The following SHISA9 variants were observed in gnomAD, a reference collection of about 807,000 sequenced individuals.
SHISA9 encodes the protein protein shisa-9.
Under a neutral mutation model 38.0 loss-of-function variants are expected in SHISA9, and 13 were observed. That is an observed-to-expected ratio of 0.34 (90% CI 0.22 to 0.54). The LOEUF (loss-of-function observed/expected upper bound fraction) is 0.54, where lower values mean the gene tolerates loss of function less well. Ranked by LOEUF, SHISA9 falls within the 20% of genes least tolerant of loss-of-function variation. The pLI, the probability that SHISA9 is intolerant of heterozygous loss-of-function variation, is 0.91. For synonymous variants in SHISA9, 275 were observed against 242.0 expected, an observed-to-expected ratio of 1.14 and a Z score of -1.27; for missense variants, 538 against 575.8, an observed-to-expected ratio of 0.93 and a Z score of 0.67.
the SHISA9 span, among the ~76,000 whole-genome samples, chr16:13,268,866 T>A: frequency 1.3e-5 from 2 of 152,162 alleles, no homozygotes; most frequent in Non-Finnish European, 2.9e-5. Context: ...CGTGTCCAAT[T>A]GGACACATGA....
the SHISA9 span, among the ~76,000 whole-genome samples, chr16:13,553,088 A>AC: frequency 6.6e-6 from 1 of 151,942 alleles, no homozygotes; most frequent in South Asian, 2.1e-4. Context: ...TTGCCAAATG[A>AC]CCCCTGGGGG....
chr16:13,491,818 C>CTTTTTTTTTTTT, the SHISA9 span, among the ~76,000 whole-genome samples: 11 of 44,498 alleles, frequency 2.5e-4, 3 homozygotes, highest in African/African-American at 5.2e-4. Context: ...ATTTATTGAC[C>CTTTTTTTTTTTT]TTTTTTTTTT....
At chr16:12,985,754 A>G (rs1387945793) in intron 2 of SHISA9, among the ~76,000 whole-genome samples, 2 of 152,158 alleles carry the variant, frequency 1.3e-5, no homozygotes, top group African/African-American at 4.8e-5. Flanking sequence ...GTGGTCTGCA[A>G]TCTTTGACTT....
At chr16:13,503,747 A>C in the SHISA9 span, among the ~76,000 whole-genome samples, 1,260 of 152,310 alleles carry the variant, frequency 8.3e-3, 17 homozygotes, top group African/African-American at 0.029. Context: ...AATGAAATGG[A>C]AAGTCATTGA....
chr16:13,238,029 A>G lies in SHISA9; in HGVS notation c.*2620A>G, dbSNP rs977482815. The G allele has an allele frequency of 6.6e-6, 1 of 152,242 alleles. No homozygotes were observed. Among genetic ancestry groups the G allele is most frequent in the Non-Finnish European group, 1.5e-5 (1 of 68,044 alleles). The allele number at this position is 152,242 out of a possible 1,614,324, so 9.4% of individuals were successfully genotyped here. On this transcript the variant is annotated 3_prime_UTR_variant, in exon 5 of 5. Coordinates refer to ENST00000558583, the MANE Select transcript of SHISA9 (RefSeq NM_001145204.3). ...ATAAATAGAAAGCAAACATAAAAAT[A>G]AGTACAAAGGAAACAAGCAGCGATG... is the stretch of plus-strand genomic sequence containing the variant.
chr16:13,491,817 CCTTTTTTTTTTTTT>C, the SHISA9 span, among the ~76,000 whole-genome samples: 66 of 46,922 alleles, frequency 1.4e-3, 5 homozygotes, highest in East Asian at 3.8e-3. Flanking sequence ...TATTTATTGA[CCTTTTTTTTTTTTT>C]TTTTTTTTTT....
chr16:13,389,004 C>T, the SHISA9 span, among the ~76,000 whole-genome samples: 12 of 152,104 alleles, frequency 7.9e-5, no homozygotes, highest in African/African-American at 2.9e-4. Flanking sequence ...GTCCTATACA[C>T]GCATAGCCTC....
chr16:13,180,996 G>A (rs1242333208), intron 2 of SHISA9, among the ~76,000 whole-genome samples: 2 of 151,978 alleles, frequency 1.3e-5, no homozygotes, highest in East Asian at 3.9e-4. Context: ...CAGTTACCAT[G>A]GGCTAGAAAT....
chr16:13,261,747 C>T, the SHISA9 span, among the ~76,000 whole-genome samples: 1 of 152,320 alleles, frequency 6.6e-6, no homozygotes, highest in Admixed American at 6.5e-5. Flanking sequence ...TCATCATAAA[C>T]ACTTTCTGTG....
the SHISA9 span, among the ~76,000 whole-genome samples, chr16:13,470,723 C>T: frequency 6.6e-6 from 1 of 152,104 alleles, no homozygotes. Context: ...ACATTAAAGG[C>T]TCTGAAAATT....
At chr16:13,313,939 G>A in the SHISA9 span, among the ~76,000 whole-genome samples, 6 of 152,094 alleles carry the variant, frequency 3.9e-5, no homozygotes, top group African/African-American at 1.4e-4. Flanking sequence ...TAGCTCTTTG[G>A]TTCAGTTTTC....
chr16:13,416,770 G>A, the SHISA9 span, among the ~76,000 whole-genome samples: 2 of 96,386 alleles, frequency 2.1e-5, no homozygotes, highest in Non-Finnish European at 4.3e-5. Flanking sequence ...AAGGAAGGAA[G>A]GAAGGGAAGG....
At chr16:13,546,425 T>C in the SHISA9 span, among the ~76,000 whole-genome samples, 1 of 152,196 alleles carries the variant, frequency 6.6e-6, no homozygotes, top group Non-Finnish European at 1.5e-5. Context: ...TTCCCTCAGC[T>C]TGTGTTTGTC....
intron 2 of SHISA9, among the ~76,000 whole-genome samples, chr16:13,098,417 A>T (rs2073847760): frequency 6.6e-6 from 1 of 152,108 alleles, no homozygotes. Context: ...GTGTTACCAT[A>T]TACCCATTAA....
At chr16:13,489,567 G>A in the SHISA9 span, among the ~76,000 whole-genome samples, 1 of 152,156 alleles carries the variant, frequency 6.6e-6, no homozygotes, top group African/African-American at 2.4e-5. Context: ...TGTTCTCATG[G>A]TAGTGAATAA....
In SHISA9 at chr16:12,951,811, C is replaced by T. The variant is rs150131365; in HGVS notation, c.691+34996C>T. On this transcript the variant is annotated intron_variant, in intron 2 of 4. Coordinates refer to ENST00000558583, the MANE Select transcript of SHISA9 (RefSeq NM_001145204.3). ...AAGGAAGAAGCTTTGTTAGGGGTTGCGGTGGAGCAGGGAACTTCACTTCAG... is the reference window on the plus strand; with the variant it reads ...AAGGAAGAAGCTTTGTTAGGGGTTGTGGTGGAGCAGGGAACTTCACTTCAG... 2.3e-3 allele frequency among the ~76,000 whole-genome samples: 346 copies of T among 152,264 alleles called. 2 individuals are homozygous for T. The highest frequency in any genetic ancestry group is 7.7e-3 in the African/African-American group (319 of 41,556).
chr16:13,170,395 A>G (rs1404639514), intron 2 of SHISA9, among the ~76,000 whole-genome samples: 1 of 152,076 alleles, frequency 6.6e-6, no homozygotes, highest in Non-Finnish European at 1.5e-5. Flanking sequence ...GTGTTGCTAT[A>G]AAGCAATACC....
intron 2 of SHISA9, among the ~76,000 whole-genome samples, chr16:13,190,156 T>C (rs2050869484): frequency 6.6e-6 from 1 of 151,814 alleles, no homozygotes; most frequent in South Asian, 2.1e-4. Context: ...TGTATACATG[T>C]GCCATGCTGG....
the SHISA9 span, among the ~76,000 whole-genome samples, chr16:13,469,369 G>GAAAGAAAGAAAGAAAAGAA: frequency 5.1e-4 from 34 of 66,680 alleles, no homozygotes; most frequent in Non-Finnish European, 7.2e-4. Flanking sequence ...AAAAGAAAAA[G>GAAAGAAAGAAAGAAAAGAA]AAAGAAAGAA....
Sources: gnomAD v4.1 joint callset for allele counts (sites outside exome capture counted in the v4.1 genomes callset) on GRCh38, gnomAD v4.1.1 for gene constraint, MANE v1.5 for transcripts, NCBI Gene and HGNC (gene_info 2026-07-23, HGNC 2026-07-21) for gene names.